The following WIPI2 variants were observed in gnomAD, a reference collection of about 807,000 sequenced individuals.
WIPI2 encodes WD repeat domain phosphoinositide-interacting protein 2.
A neutral mutation model predicts 52.3 loss-of-function variants in WIPI2; 28 were observed. That is an observed-to-expected ratio of 0.54 (90% CI 0.40 to 0.73). The LOEUF is 0.73. Ranked by LOEUF, WIPI2 falls within the 30% of genes least tolerant of loss-of-function variation. The pLI is 0.00. For synonymous variants in WIPI2, 268 were observed against 245.0 expected (o/e 1.09, Z -0.88); for missense variants, 506 against 602.9 (o/e 0.84, Z 1.68).
In WIPI2 at chr7:5,229,619, G is replaced by T. The variant is rs774155990; in HGVS notation, c.1133G>T (p.Ser378Ile). 1 of 1,613,456 alleles carries T rather than the reference G, an allele frequency of 6.2e-7. No individual in the cohort carries two copies. The highest frequency in any genetic ancestry group is 1.1e-5 in the South Asian group (1 of 90,936). Residue 378 changes from serine (S) to isoleucine (I), a missense_variant, in exon 12 of 13, where the codon AGT (serine) becomes ATT (isoleucine). This residue lies in a region of WIPI2 where 194 missense variants were observed against 175.1 expected (regional missense o/e 1.11). Coordinates refer to ENST00000288828, the MANE Select transcript of WIPI2 (RefSeq NM_015610.4). The part of the protein sequence containing the change: ...ALMKQHRLDG[S>I]LETTNEILDS... ...TTTCTTCCCTCCAGGCTGGACGGCA[G>T]TCTGGAAACGACCAATGAGATCTTG...
At chr7:5,195,217 T>C (rs902229266) in intron 2 of WIPI2, among the ~76,000 whole-genome samples, 1 of 152,238 alleles carries the variant, frequency 6.6e-6, no homozygotes, top group African/African-American at 2.4e-5. Flanking sequence ...ACAGGCACAG[T>C]GGCTCACGCC....
At chr7:5,215,812 C>G (rs1236750606) in intron 4 of WIPI2, among the ~76,000 whole-genome samples, 1 of 152,214 alleles carries the variant, frequency 6.6e-6, no homozygotes, top group African/African-American at 2.4e-5. Flanking sequence ...CATAAGTTGT[C>G]TCAGCGATGC....
At position 5,227,063 on chromosome 7, in the gene WIPI2, C is replaced by A. The variant is rs527765624; in HGVS notation, c.849-117C>A. 50 of 1,393,072 alleles carry A rather than the reference C, an allele frequency of 3.6e-5. No homozygotes were observed. In the African/African-American group the frequency reaches 7.1e-4, roughly 20 times the overall value. 86.3% of individuals were successfully genotyped at this position (1,393,072 alleles called of 1,614,324 possible). On this transcript the variant is annotated intron_variant, in intron 9 of 12. Coordinates refer to ENST00000288828, the MANE Select transcript of WIPI2 (RefSeq NM_015610.4). The surrounding 1 kb of genome is among the most constrained non-coding windows in gnomAD (Gnocchi z 8.1). ...TTATAACCAACCCTGTTTAATTTTC[C>A]TGTGAAGAATGGAGACTTTTGCTGT...
chr7:5,192,979 C>A, intron 1 of WIPI2, 139 bp from the exon 2 acceptor site: 1 of 756,594 alleles, frequency 1.3e-6, no homozygotes, highest in Non-Finnish European at 2.2e-6. Flanking sequence ...ACATACCAAA[C>A]TATAACTGTC....
intron 11 of WIPI2, 101 bp from the exon 12 acceptor site, chr7:5,229,507 G>A (rs1418206455): frequency 2.1e-6 from 3 of 1,421,910 alleles, no homozygotes; most frequent in Non-Finnish European, 2.8e-6. Flanking sequence ...CCTGTGTGGT[G>A]AGTGGTGTGC....
chr7:5,230,299 G>C lies in WIPI2; in HGVS notation c.1253-536G>C, dbSNP rs746814320. Among the ~76,000 whole-genome samples the C allele has an allele frequency of 2.0e-5, 3 of 152,112 alleles. No individual in the cohort carries two copies. The highest frequency in any genetic ancestry group is 2.9e-5 in the Non-Finnish European group (2 of 68,036). ...AAGTGCAGAAGCTGTAGGGGAATGA[G>C]GCCAATGGGCTCCCCTCCGGCGGCA... On this transcript the variant is annotated intron_variant, in intron 12 of 12. Transcript: ENST00000288828. The surrounding 1 kb of genome is among the most constrained non-coding windows in gnomAD (Gnocchi z 4.8).
Position 5,232,114 on chromosome 7 carries a change from G to A in WIPI2, c.*1167G>A, listed in dbSNP as rs751064070. ...CAAACCAAGGCACCCAGCAGCCAAA[G>A]TGTCGAGGGCATTTAAGTGGCATTA... is the stretch of plus-strand genomic sequence containing the variant. On this transcript the variant is annotated 3_prime_UTR_variant, in exon 13 of 13. Transcript: ENST00000288828. 1.0e-5 allele frequency: 4 copies of A among 398,854 alleles called. No homozygotes were observed. The highest frequency in any genetic ancestry group is 1.8e-5 in the Non-Finnish European group (4 of 226,088). 24.7% of individuals were successfully genotyped at this position (398,854 alleles called of 1,614,324 possible). A position where few individuals can be genotyped will look rare whatever the true frequency, so the allele number is the denominator to read the frequency against.
At chr7:5,210,909 A>G (rs1328868988) in intron 3 of WIPI2, among the ~76,000 whole-genome samples, 3 of 151,838 alleles carry the variant, frequency 2.0e-5, no homozygotes, top group Non-Finnish European at 4.4e-5. Context: ...ACTAACATTG[A>G]ACTCGCGGCT....
intron 7 of WIPI2, chr7:5,219,071 G>A (rs1583578410): frequency 6.6e-6 from 1 of 152,112 alleles, no homozygotes; most frequent in East Asian, 1.9e-4. Flanking sequence ...TCTCACACCC[G>A]AGTTCTGTAA....
chr7:5,227,312 C>T lies in WIPI2; in HGVS notation c.981C>T (p.Phe327=), dbSNP rs773023213. The change falls in exon 10 of 13, where the codon TTC becomes TTT. Residue 327 remains phenylalanine, a synonymous_variant. Transcript: ENST00000288828. The surrounding 1 kb of genome is among the most constrained non-coding windows in gnomAD (Gnocchi z 8.1). ...CCTTCGCCACGGTCCGCCTGCCATT[C>T]TGCGGCCACAAAAACATCTGCTCGC... ...GRAFATVRLP[F]CGHKNICSLA... is the part of the protein sequence containing the mutation. 2.5e-6 allele frequency: 4 copies of T among 1,613,850 alleles called. No individual in the cohort carries two copies. The highest frequency in any genetic ancestry group is 1.7e-5 in the Admixed American group (1 of 60,034).
chr7:5,215,590 G>C (rs1351143422), intron 4 of WIPI2, among the ~76,000 whole-genome samples: 1 of 152,242 alleles, frequency 6.6e-6, no homozygotes, highest in Non-Finnish European at 1.5e-5. Context: ...GCTGGCTGTA[G>C]AGTGGACATG....
intron 2 of WIPI2, among the ~76,000 whole-genome samples, chr7:5,197,115 AAAC>A (rs1335151353): frequency 0.16 from 1,213 of 7,546 alleles, 187 homozygotes; most frequent in South Asian, 0.21. Flanking sequence ...CCGTCTCAAA[AAAC>A]AAAAAAAAAA....
intron 2 of WIPI2, among the ~76,000 whole-genome samples, chr7:5,196,884 A>AGG (rs1781766725): frequency 6.6e-6 from 1 of 151,770 alleles, no homozygotes; most frequent in Non-Finnish European, 1.5e-5. Context: ...GGCCGAGGCA[A>AGG]GTGGATCACC....
chr7:5,216,454 A>G, intron 4 of WIPI2, 109 bp from the exon 5 acceptor site: 1 of 853,300 alleles, frequency 1.2e-6, no homozygotes, highest in Non-Finnish European at 1.9e-6. Context: ...ATACAATAAC[A>G]ATAGAAGGAA....
chr7:5,213,763 T>G (rs1381912406), intron 3 of WIPI2, among the ~76,000 whole-genome samples: 22 of 152,088 alleles, frequency 1.4e-4, no homozygotes, highest in Admixed American at 1.4e-3. Flanking sequence ...TTGGCTCACT[T>G]CAAGCTCCGT....
chr7:5,228,731 A>G (rs923750719), intron 11 of WIPI2, among the ~76,000 whole-genome samples: 2 of 152,176 alleles, frequency 1.3e-5, no homozygotes, highest in African/African-American at 4.8e-5. Context: ...TTCTAACAAC[A>G]TATAATTTTT....
chr7:5,204,631 A>C (rs1265658582), intron 3 of WIPI2, among the ~76,000 whole-genome samples: 1 of 152,210 alleles, frequency 6.6e-6, no homozygotes, highest in African/African-American at 2.4e-5. Flanking sequence ...TGGTCCGTAG[A>C]ACTTAATGTC....
chr7:5,205,625 C>G (rs1262743391), intron 3 of WIPI2, among the ~76,000 whole-genome samples: 1 of 152,178 alleles, frequency 6.6e-6, no homozygotes, highest in Non-Finnish European at 1.5e-5. Flanking sequence ...CTGCCTTAGC[C>G]TCCTTAGTAG....
At chr7:5,228,266 G>A (rs1033466198) in intron 11 of WIPI2, 55 bp downstream of exon 11, 32 of 1,483,366 alleles carry the variant, frequency 2.2e-5, no homozygotes, top group East Asian at 4.8e-5. Flanking sequence ...GGGGGCTTTC[G>A]GGGCACCTGG....
Sources: gnomAD v4.1 joint callset for allele counts (sites outside exome capture counted in the v4.1 genomes callset) on GRCh38, gnomAD v4.1.1 for gene constraint, gnomAD v4.1.1 regional missense constraint, Gnocchi (gnomAD v3.1) non-coding constraint, MANE v1.5 for transcripts, NCBI Gene and HGNC (gene_info 2026-07-23, HGNC 2026-07-21) for gene names.